The following RAB3IP variants were observed in gnomAD, a reference collection of about 807,000 sequenced individuals.
RAB3IP encodes the protein RAB3A interacting protein.
A neutral mutation model predicts 59.1 loss-of-function variants in RAB3IP; 36 were observed. The observed-to-expected ratio is 0.61, with a 90% CI of 0.47 to 0.80. The LOEUF (loss-of-function observed/expected upper bound fraction) is 0.80. Ranked by LOEUF, RAB3IP falls within the 30% of genes least tolerant of loss-of-function variation. RAB3IP has a pLI of 0.00. For synonymous variants in RAB3IP, 207 were observed against 191.2 expected, an observed-to-expected ratio of 1.08 and a Z score of -0.68; for missense variants, 511 against 536.0, an observed-to-expected ratio of 0.95 and a Z score of 0.46.
intron 8 of RAB3IP, 34 bp downstream of exon 8, chr12:69,801,755 C>G (rs1268461792): frequency 9.7e-6 from 13 of 1,338,930 alleles, no homozygotes; most frequent in Non-Finnish European, 1.4e-5. Flanking sequence ...GTGAAAGTGA[C>G]TGAGTTTTTG....
rs187653570 is a variant in RAB3IP, at chr12:69,788,163, A to G, written c.606+3348A>G. Among the ~76,000 whole-genome samples, 49 of 152,246 alleles carry G rather than the reference A, an allele frequency of 3.2e-4. No homozygotes were observed. In the East Asian group the frequency reaches 7.7e-3, roughly 24 times the overall value. ...ATAGATCTAATACTGCTGATAACTCACACATCTATTGGTCTAATATAAGAT... is the reference window on the plus strand; with the variant it reads ...ATAGATCTAATACTGCTGATAACTCGCACATCTATTGGTCTAATATAAGAT... On this transcript the variant is annotated intron_variant, in intron 4 of 10. Transcript: ENST00000247833.
intron 3 of RAB3IP, among the ~76,000 whole-genome samples, chr12:69,772,211 CTAATA>C: frequency 6.6e-6 from 1 of 152,116 alleles, no homozygotes; most frequent in East Asian, 1.9e-4. Context: ...TCTGTTTTAT[CTAATA>C]TAAGTATAGG....
chr12:69,779,940 T>G (rs1419638702), intron 3 of RAB3IP, among the ~76,000 whole-genome samples: 2 of 152,232 alleles, frequency 1.3e-5, no homozygotes, highest in Admixed American at 6.5e-5. Flanking sequence ...GAATTAGTTA[T>G]TTATTCAAGT....
intron 10 of RAB3IP, among the ~76,000 whole-genome samples, chr12:69,814,928 C>G (rs1283585307): frequency 6.6e-6 from 1 of 152,124 alleles, no homozygotes; most frequent in Admixed American, 6.6e-5. Context: ...TCTGGATTGT[C>G]TTGTTTTCTT....
At chr12:69,772,872 C>T (rs995663787) in intron 3 of RAB3IP, among the ~76,000 whole-genome samples, 1 of 152,140 alleles carries the variant, frequency 6.6e-6, no homozygotes, top group Non-Finnish European at 1.5e-5. Flanking sequence ...TGTCTGTTTA[C>T]TGACTTGTGC....
In RAB3IP at chr12:69,773,399, CTTTTT is replaced by C. The variant is rs71437123; in HGVS notation, c.511-11301_511-11297del. On this transcript the variant is annotated intron_variant, in intron 3 of 10. Transcript: ENST00000247833. Reference sequence around the variant, plus strand: ...ATACGCCTTCTACCCATTTGTCTTTCTTTTTTTTTTTTTTTTTTTTTTTTATTATA... The same window carrying C: ...ATACGCCTTCTACCCATTTGTCTTTCTTTTTTTTTTTTTTTTTTTATTATA... 3.3e-4 allele frequency among the ~76,000 whole-genome samples: 16 copies of C among 48,004 alleles called. 1 individual carries two copies. Among genetic ancestry groups the C allele is most frequent in the East Asian group, 6.3e-4 (1 of 1,590 alleles). The allele number at this position is 48,004 out of a possible 152,430, so 31.5% of individuals were successfully genotyped here. A position where few individuals can be genotyped will look rare whatever the true frequency, so the allele number is the denominator to read the frequency against.
intron 8 of RAB3IP, among the ~76,000 whole-genome samples, chr12:69,802,254 C>T (rs1878509443): frequency 1.3e-5 from 2 of 151,930 alleles, no homozygotes; most frequent in African/African-American, 4.8e-5. Context: ...CTGAGTTAGA[C>T]TAAGTCTTAT....
intron 8 of RAB3IP, among the ~76,000 whole-genome samples, chr12:69,805,612 A>T (rs1355603983): frequency 6.6e-6 from 1 of 151,300 alleles, no homozygotes; most frequent in Admixed American, 6.6e-5. Context: ...TTGTCCATTC[A>T]GTATGATATT....
At position 69,815,378 on chromosome 12, in the gene RAB3IP, T is replaced by C; in HGVS notation, c.1315T>C (p.Trp439Arg). 1.2e-6 allele frequency: 2 copies of C among 1,609,284 alleles called. No individual in the cohort carries two copies. Among genetic ancestry groups the C allele is most frequent in the Non-Finnish European group, 1.7e-6 (2 of 1,175,694 alleles). The change falls in exon 11 of 11, where the codon TGG becomes CGG. Residue 439 changes from tryptophan to arginine, a missense_variant. Trp to Arg is a moderately radical substitution (Grantham distance 101). Transcript: ENST00000247833. ...TGTTTGTATAGTTGATCAGATGTTT[T>C]GGGAGGTTATGCAGTTGAGAAAAGA... ...VKQQDVDQMF[W>R]EVMQLRKEMS...
chr12:69,742,812 T>C (rs1451954434), intron 1 of RAB3IP, among the ~76,000 whole-genome samples: 1 of 152,198 alleles, frequency 6.6e-6, no homozygotes, highest in Non-Finnish European at 1.5e-5. Context: ...TACCACTAAA[T>C]GAGGTAGTTT....
At chr12:69,782,639 A>G (rs546348618) in intron 3 of RAB3IP, among the ~76,000 whole-genome samples, 20 of 152,192 alleles carry the variant, frequency 1.3e-4, no homozygotes, top group Admixed American at 1.0e-3. Context: ...TTCTTTGTAT[A>G]TTTTGGATAA....
intron 3 of RAB3IP, among the ~76,000 whole-genome samples, chr12:69,781,650 C>T (rs1397863210): frequency 1.3e-5 from 2 of 152,158 alleles, no homozygotes; most frequent in Admixed American, 6.5e-5. Flanking sequence ...AGATTGGCTT[C>T]TTTCACTTAG....
intron 4 of RAB3IP, among the ~76,000 whole-genome samples, chr12:69,792,494 T>G (rs908918479): frequency 5.3e-5 from 8 of 152,234 alleles, no homozygotes; most frequent in Admixed American, 6.5e-5. Flanking sequence ...AGTGTTTGAC[T>G]CTTTACAGAA....
intron 1 of RAB3IP, among the ~76,000 whole-genome samples, chr12:69,753,949 G>C (rs1037584843): frequency 1.3e-5 from 2 of 152,160 alleles, no homozygotes; most frequent in African/African-American, 4.8e-5. Context: ...TGGAGAACCT[G>C]AAGCATATGT....
chr12:69,749,884 T>G (rs1357244579), intron 1 of RAB3IP, among the ~76,000 whole-genome samples: 1 of 152,184 alleles, frequency 6.6e-6, no homozygotes, highest in Non-Finnish European at 1.5e-5. Context: ...TTTTCTTCTT[T>G]CCCCAGATCC....
At chr12:69,807,838 CGTGCG>C (rs1370988131) in intron 8 of RAB3IP, among the ~76,000 whole-genome samples, 1 of 143,066 alleles carries the variant, frequency 7.0e-6, no homozygotes. Flanking sequence ...ACGGGGCGGC[CGTGCG>C]GAGGCGCTCC....
rs554524686 is a variant in RAB3IP, at chr12:69,739,786, C to G, written c.-26+755C>G. 29 of 1,606,188 alleles carry G rather than the reference C, an allele frequency of 1.8e-5. No homozygotes were observed. The East Asian group carries it at 6.5e-4, about 36-fold the overall frequency. ...CGACCGCCCAGGAAGCGCGAGCTTACTGGCTCCAGAAGTGATGATGCTGGG... is the reference window on the plus strand; with the variant it reads ...CGACCGCCCAGGAAGCGCGAGCTTAGTGGCTCCAGAAGTGATGATGCTGGG... On this transcript the variant is annotated intron_variant, in intron 1 of 10. Coordinates refer to ENST00000247833, the MANE Select transcript of RAB3IP (RefSeq NM_022456.5).
rs1404430893 is a variant in RAB3IP, at chr12:69,819,110, A to G, written c.*3664A>G. On this transcript the variant is annotated 3_prime_UTR_variant, in exon 11 of 11. Transcript: ENST00000247833. ...AAAAATTCAAAAACAAAATAAATGC[A>G]TGGACAAATGAATAAGAGAGTTATG... The G allele has an allele frequency of 6.6e-6, 1 of 152,212 alleles. No homozygotes were observed. The highest frequency in any genetic ancestry group is 2.4e-5 in the African/African-American group (1 of 41,462). The allele number at this position is 152,212 out of a possible 1,614,324, so 9.4% of individuals were successfully genotyped here.
chr12:69,782,477 A>G (rs904521558), intron 3 of RAB3IP, among the ~76,000 whole-genome samples: 1 of 152,138 alleles, frequency 6.6e-6, no homozygotes. Flanking sequence ...CATTGTTTTA[A>G]TTAGTGGTTC....
Sources: allele counts gnomAD v4.1 joint callset (sites outside exome capture counted in the v4.1 genomes callset), GRCh38; gene constraint gnomAD v4.1.1; transcripts MANE v1.5; gene names NCBI Gene and HGNC (gene_info 2026-07-23, HGNC 2026-07-21).